RAMP1: variants seen among roughly 807,000 people sequenced by gnomAD.
RAMP1 encodes the protein receptor activity-modifying protein 1.
In RAMP1, 7 loss-of-function variants were observed where a neutral mutation model predicts 8.2. The ratio of observed to expected loss-of-function variants is 0.85; its 90% CI spans 0.49 to 1.60. The LOEUF is 1.60. RAMP1 is among the 40% of genes most tolerant of loss of function. The pLI is 0.00. For synonymous variants in RAMP1, 92 were observed against 84.7 expected (o/e 1.09, Z -0.47); for missense variants, 192 against 202.4 (o/e 0.95, Z 0.31).
At chr2:237,886,544 T>C (rs989695411) in intron 2 of RAMP1, among the ~76,000 whole-genome samples, 1 of 151,974 alleles carries the variant, frequency 6.6e-6, no homozygotes, top group East Asian at 1.9e-4. Context: ...GCCCTCGTGT[T>C]GGGGGAGCTT....
rs71039788 is a variant in RAMP1, at chr2:237,893,970, C to CTTTTT, written c.191+16623_191+16627dup. On this transcript the variant is annotated intron_variant, in intron 2 of 2. Coordinates refer to ENST00000254661, the MANE Select transcript of RAMP1 (RefSeq NM_005855.4). Reference sequence around the variant, plus strand: ...AAATAAGTAAAAATAAAAATACTTTCTTTTTTTTTTTTTTTTTTTGAGACA... The same window carrying CTTTTT: ...AAATAAGTAAAAATAAAAATACTTTCTTTTTTTTTTTTTTTTTTTTTTTTGAGACA... Among the ~76,000 whole-genome samples the CTTTTT allele has an allele frequency of 6.4e-4, 67 of 104,174 alleles. 2 individuals carry two copies. Among genetic ancestry groups the CTTTTT allele is most frequent in the Non-Finnish European group, 7.7e-4 (43 of 55,942 alleles). 68.3% of individuals were successfully genotyped at this position (104,174 alleles called of 152,430 possible).
At chr2:237,903,094 A>G (rs1406708122) in intron 2 of RAMP1, among the ~76,000 whole-genome samples, 1 of 152,086 alleles carries the variant, frequency 6.6e-6, no homozygotes, top group East Asian at 1.9e-4. Context: ...CCTGGCCTCA[A>G]GCGATCCTCC....
intron 1 of RAMP1, among the ~76,000 whole-genome samples, chr2:237,873,905 G>T (rs2062272046): frequency 6.6e-6 from 1 of 152,028 alleles, no homozygotes; most frequent in Non-Finnish European, 1.5e-5. Flanking sequence ...AGCTGCCCCT[G>T]GCCTCATCCC....
rs1452347432 is a variant in RAMP1 at position 237,877,945 on chromosome 2, C to T, written c.191+583C>T. ...GCTCCCTCATTGCCTCCCTCAGCCTCCTGGGTGCTGGGCCCCCATCAGCAG... is the reference window on the plus strand; with the variant it reads ...GCTCCCTCATTGCCTCCCTCAGCCTTCTGGGTGCTGGGCCCCCATCAGCAG... On this transcript the variant is annotated intron_variant, in intron 2 of 2. Coordinates refer to ENST00000254661, the MANE Select transcript of RAMP1 (RefSeq NM_005855.4). This position sits in a 1 kb window ranked among gnomAD's most constrained non-coding sequence, Gnocchi z 4.4. 8.1e-6 allele frequency: 8 copies of T among 985,284 alleles called. No individual in the cohort carries two copies. In the Admixed American group the frequency reaches 4.9e-4, roughly 61 times the overall value. The allele number at this position is 985,284 out of a possible 1,614,324, so 61.0% of individuals were successfully genotyped here.
At chr2:237,863,976 C>A (rs530283618) in intron 1 of RAMP1, among the ~76,000 whole-genome samples, 1 of 152,206 alleles carries the variant, frequency 6.6e-6, no homozygotes, top group South Asian at 2.1e-4. Context: ...CCACCCACCA[C>A]CCCAGGGACA....
chr2:237,885,588 C>T (rs1479502313), intron 2 of RAMP1, among the ~76,000 whole-genome samples: 2 of 152,250 alleles, frequency 1.3e-5, no homozygotes, highest in African/African-American at 2.4e-5. Context: ...GGCCCTCAGG[C>T]GTGGACAGGA....
chr2:237,859,770 C>T (rs1482886891), intron 1 of RAMP1, 43 bp downstream of exon 1: 1 of 1,483,162 alleles, frequency 6.7e-7, no homozygotes, highest in Non-Finnish European at 9.0e-7. Flanking sequence ...CTTCCCCTGG[C>T]CAGCCGGTGT....
chr2:237,911,499 G>C (rs1362740303), intron 2 of RAMP1, 29 bp from the exon 3 acceptor site: 1 of 1,610,538 alleles, frequency 6.2e-7, no homozygotes, highest in Middle Eastern at 1.8e-4. Context: ...GCCTGCCCAG[G>C]GTCTTACCAC....
rs375507630 is a variant in RAMP1, at chr2:237,882,004, G to T, written c.191+4642G>T. 6.9e-3 allele frequency among the ~76,000 whole-genome samples: 1,045 copies of T among 151,914 alleles called. 18 individuals carry two copies. Among genetic ancestry groups the T allele is most frequent in the African/African-American group, 0.024 (991 of 41,348 alleles). On this transcript the variant is annotated intron_variant, in intron 2 of 2. Coordinates refer to ENST00000254661, the MANE Select transcript of RAMP1 (RefSeq NM_005855.4). ...GATTTGCCACGTTTTCCTCTAGCCT[G>T]TGTGGTCCCACTGGTTCCATCGAAA...
At chr2:237,866,156 G>C (rs1411512713) in intron 1 of RAMP1, among the ~76,000 whole-genome samples, 1 of 152,052 alleles carries the variant, frequency 6.6e-6, no homozygotes, top group Non-Finnish European at 1.5e-5. Context: ...CCCCACGTCT[G>C]CATCCAGGCC....
At chr2:237,891,993 T>C (rs920970330) in intron 2 of RAMP1, among the ~76,000 whole-genome samples, 8 of 152,338 alleles carry the variant, frequency 5.3e-5, no homozygotes, top group Admixed American at 3.3e-4. Flanking sequence ...TATTTTTTGC[T>C]ATATATTAAC....
At chr2:237,866,203 A>T (rs921504783) in intron 1 of RAMP1, among the ~76,000 whole-genome samples, 1 of 151,928 alleles carries the variant, frequency 6.6e-6, no homozygotes, top group Admixed American at 6.6e-5. Flanking sequence ...CAGATGACTC[A>T]TTCAGTGTCT....
At chr2:237,887,944 G>T (rs1194368927) in intron 2 of RAMP1, among the ~76,000 whole-genome samples, 1 of 152,144 alleles carries the variant, frequency 6.6e-6, no homozygotes, top group Non-Finnish European at 1.5e-5. Flanking sequence ...AAGAACTTGT[G>T]TACATATATC....
At position 237,907,626 on chromosome 2, in the gene RAMP1, A is replaced by C. The variant is rs139662016; in HGVS notation, c.192-3902A>C. ...CATTGAAGGAATTCTCTCTGATGCC[A>C]TATCTTTTTATTTCTAGCAACTGTC... On this transcript the variant is annotated intron_variant, in intron 2 of 2. Transcript: ENST00000254661. Among the ~76,000 whole-genome samples, 544 of 152,076 alleles carry C rather than the reference A, an allele frequency of 3.6e-3. 1 individual carries two copies. The highest frequency in any genetic ancestry group is 6.3e-3 in the Non-Finnish European group (429 of 67,988).
intron 2 of RAMP1, among the ~76,000 whole-genome samples, chr2:237,888,643 C>T (rs2151014836): frequency 6.6e-6 from 1 of 152,168 alleles, no homozygotes; most frequent in Admixed American, 6.5e-5. Context: ...GAGTCATTGC[C>T]CTTTTTTCCT....
At chr2:237,866,605 G>A (rs537062188) in intron 1 of RAMP1, among the ~76,000 whole-genome samples, 96 of 152,250 alleles carry the variant, frequency 6.3e-4, no homozygotes, top group African/African-American at 1.8e-3. Flanking sequence ...TCAGAAATTC[G>A]AGTGTAGCTC....
rs190607472 is a variant in RAMP1, at chr2:237,911,160, G to A, written c.192-368G>A. 4.1e-4 allele frequency among the ~76,000 whole-genome samples: 62 copies of A among 152,348 alleles called. No individual in the cohort carries two copies. The East Asian group carries it at 4.8e-3, about 12-fold the overall frequency. On this transcript the variant is annotated intron_variant, in intron 2 of 2. Coordinates refer to ENST00000254661, the MANE Select transcript of RAMP1 (RefSeq NM_005855.4). ...CAGAATAACAGTCACACACAGACGC[G>A]ACACCAGCCTGCGACCTTGCCCAGG... is the stretch of plus-strand genomic sequence containing the variant.
rs150889161 is a variant in RAMP1 at position 237,875,821 on chromosome 2, C to T, written c.53-1403C>T. ...ACCAGCCATTGGGCCTGGAGTGGTG[C>T]TCTGCAACAGCACCCCCACCCCACC... is the stretch of plus-strand genomic sequence containing the variant. On this transcript the variant is annotated intron_variant, in intron 1 of 2. Coordinates refer to ENST00000254661, the MANE Select transcript of RAMP1 (RefSeq NM_005855.4). 2.0e-4 allele frequency among the ~76,000 whole-genome samples: 31 copies of T among 152,254 alleles called. No individual in the cohort carries two copies. In the East Asian group the frequency reaches 6.0e-3, roughly 29 times the overall value.
At chr2:237,901,575 T>G (rs1172025364) in intron 2 of RAMP1, among the ~76,000 whole-genome samples, 1 of 152,206 alleles carries the variant, frequency 6.6e-6, no homozygotes, top group Non-Finnish European at 1.5e-5. Context: ...CTGGCCACTG[T>G]GGCTAGAATG....
Sources: allele counts gnomAD v4.1 joint callset (sites outside exome capture counted in the v4.1 genomes callset), GRCh38; gene constraint gnomAD v4.1.1; non-coding constraint Gnocchi (gnomAD v3.1); transcripts MANE v1.5; gene names NCBI Gene and HGNC (gene_info 2026-07-23, HGNC 2026-07-21).